Variants in RASGRF2 observed in about 807,000 individuals in gnomAD.
RASGRF2 encodes Ras protein specific guanine nucleotide releasing factor 2.
RASGRF2 carries 76 observed loss-of-function variants against 151.0 expected under a neutral mutation model. The ratio of observed to expected loss-of-function variants is 0.50; its 90% CI spans 0.42 to 0.61. The LOEUF (loss-of-function observed/expected upper bound fraction) is 0.61, where lower values mean the gene tolerates loss of function less well. RASGRF2 is among the 20% of genes least tolerant of loss of function. The pLI, the probability that RASGRF2 is intolerant of heterozygous loss-of-function variation, is 0.00. For missense variants in RASGRF2, 1,148 were observed against 1,564.6 expected (o/e 0.73, Z 4.49); for synonymous variants, 504 against 566.5 (o/e 0.89, Z 1.57).
intron 1 of RASGRF2, among the ~76,000 whole-genome samples, chr5:81,028,636 A>T (rs1750123471): frequency 6.6e-6 from 1 of 152,248 alleles, no homozygotes; most frequent in African/African-American, 2.4e-5. Context: ...TTCTACCAGA[A>T]GCCATGAAAA....
At chr5:81,124,659 G>C (rs1359382354) in intron 16 of RASGRF2, among the ~76,000 whole-genome samples, 1 of 151,480 alleles carries the variant, frequency 6.6e-6, no homozygotes, top group East Asian at 1.9e-4. Context: ...TCCATAATTT[G>C]TTTGGGAACA....
At chr5:81,222,799 G>A (rs1282049266) in intron 26 of RASGRF2, among the ~76,000 whole-genome samples, 2 of 152,084 alleles carry the variant, frequency 1.3e-5, no homozygotes, top group Middle Eastern at 3.4e-3. Flanking sequence ...AATTCACCAC[G>A]GCAATGAAGC....
chr5:81,152,075 C>G (rs1029165705), intron 17 of RASGRF2, among the ~76,000 whole-genome samples: 1 of 152,110 alleles, frequency 6.6e-6, no homozygotes, highest in Admixed American at 6.5e-5. Context: ...GATCTCGGCT[C>G]ACTGCAACCT....
intron 18 of RASGRF2, among the ~76,000 whole-genome samples, chr5:81,195,965 A>C (rs1755255636): frequency 6.6e-6 from 1 of 152,226 alleles, no homozygotes; most frequent in Admixed American, 6.5e-5. Context: ...GAAGGATTAA[A>C]ATTTTATACA....
At chr5:81,032,447 C>T (rs1398595720) in intron 1 of RASGRF2, among the ~76,000 whole-genome samples, 1 of 152,184 alleles carries the variant, frequency 6.6e-6, no homozygotes, top group East Asian at 1.9e-4. Flanking sequence ...GCTTATCCAC[C>T]ACAATCAAGT....
intron 7 of RASGRF2, among the ~76,000 whole-genome samples, chr5:81,081,372 C>T (rs946239025): frequency 6.6e-6 from 1 of 152,180 alleles, no homozygotes; most frequent in African/African-American, 2.4e-5. Flanking sequence ...GGCAACTAGT[C>T]AGGTGGCCGC....
intron 18 of RASGRF2, among the ~76,000 whole-genome samples, chr5:81,195,379 T>G (rs761715654): frequency 2.0e-5 from 3 of 152,234 alleles, no homozygotes; most frequent in Non-Finnish European, 4.4e-5. Flanking sequence ...CACTTATCTC[T>G]GGATTTAAAT....
At chr5:80,965,757 A>C (rs1044682064) in intron 1 of RASGRF2, among the ~76,000 whole-genome samples, 16 of 152,220 alleles carry the variant, frequency 1.1e-4, no homozygotes, top group Non-Finnish European at 2.1e-4. Flanking sequence ...CATGTGTGAT[A>C]ACCAAATGTT....
At chr5:81,144,471 G>A (rs1321553078) in intron 17 of RASGRF2, among the ~76,000 whole-genome samples, 2 of 152,184 alleles carry the variant, frequency 1.3e-5, no homozygotes, top group Non-Finnish European at 2.9e-5. Flanking sequence ...GAAGACATAA[G>A]GCGATAACTT....
intron 17 of RASGRF2, among the ~76,000 whole-genome samples, chr5:81,128,583 G>A (rs1055038339): frequency 7.9e-5 from 12 of 152,106 alleles, no homozygotes; most frequent in African/African-American, 2.7e-4. Flanking sequence ...TTTTAATTGA[G>A]TACAATGCTA....
intron 17 of RASGRF2, among the ~76,000 whole-genome samples, chr5:81,168,491 A>G (rs1754567774): frequency 6.6e-6 from 1 of 151,810 alleles, no homozygotes; most frequent in African/African-American, 2.4e-5. Flanking sequence ...TTGTACTTTT[A>G]GTAGAGTTGG....
At chr5:81,210,605 C>T (rs756595652) in intron 22 of RASGRF2, among the ~76,000 whole-genome samples, 5 of 152,168 alleles carry the variant, frequency 3.3e-5, no homozygotes, top group Non-Finnish European at 7.4e-5. Flanking sequence ...CTTAAACCAT[C>T]CTGCATGCAG....
intron 18 of RASGRF2, among the ~76,000 whole-genome samples, chr5:81,182,760 T>C (rs572734564): frequency 2.0e-5 from 3 of 152,330 alleles, no homozygotes; most frequent in Non-Finnish European, 2.9e-5. Context: ...GATGTGAAGG[T>C]GGCCCTGGCT....
intron 17 of RASGRF2, among the ~76,000 whole-genome samples, chr5:81,128,069 A>G (rs1374814938): frequency 1.3e-5 from 2 of 152,140 alleles, no homozygotes; most frequent in Non-Finnish European, 1.5e-5. Flanking sequence ...TCACTTATAT[A>G]TGGAATCTAA....
At chr5:81,042,836 AAAAATAGAAC>A in intron 1 of RASGRF2, 31 bp from the exon 2 acceptor site, 1 of 1,442,008 alleles carries the variant, frequency 6.9e-7, no homozygotes, top group Non-Finnish European at 9.6e-7. Flanking sequence ...GTTGTGCTTG[AAAAATAGAAC>A]TAAGTTTTTT....
intron 1 of RASGRF2, among the ~76,000 whole-genome samples, chr5:81,018,190 G>C (rs1057130290): frequency 1.3e-5 from 2 of 152,126 alleles, no homozygotes; most frequent in Admixed American, 6.5e-5. Flanking sequence ...CCCACCAGCT[G>C]GCACAATGAT....
rs988534008 is a variant in RASGRF2, at chr5:81,012,537, G to A, written c.289-30340G>A. ...AGTAGACGGAATCTAGACGGCGTCTGTCGGCGCCTTCAGAGTCACTACAGC... is the reference window on the plus strand; with the variant it reads ...AGTAGACGGAATCTAGACGGCGTCTATCGGCGCCTTCAGAGTCACTACAGC... On this transcript the variant is annotated intron_variant, in intron 1 of 26. Transcript: ENST00000265080. 3.3e-5 allele frequency among the ~76,000 whole-genome samples: 5 copies of A among 152,128 alleles called. No individual in the cohort carries two copies. In the South Asian group the frequency reaches 8.3e-4, roughly 25 times the overall value.
intron 1 of RASGRF2, among the ~76,000 whole-genome samples, chr5:80,985,975 T>C (rs1748461825): frequency 1.3e-5 from 2 of 152,020 alleles, no homozygotes; most frequent in African/African-American, 4.8e-5. Context: ...TTTGTTTCCA[T>C]GGTGAAATTC....
chr5:81,160,190 C>T (rs1035674523), intron 17 of RASGRF2, among the ~76,000 whole-genome samples: 7 of 152,100 alleles, frequency 4.6e-5, no homozygotes, highest in African/African-American at 1.2e-4. Flanking sequence ...AAGGCCAAGG[C>T]GGGTGGATCA....
Sources: allele counts gnomAD v4.1 joint callset (sites outside exome capture counted in the v4.1 genomes callset), GRCh38; gene constraint gnomAD v4.1.1; transcripts MANE v1.5; gene names NCBI Gene and HGNC (gene_info 2026-07-23, HGNC 2026-07-21).